DNAH7: variants seen among roughly 807,000 people sequenced by gnomAD.
DNAH7 encodes dynein axonemal heavy chain 7.
Under a neutral mutation model 444.6 loss-of-function variants are expected in DNAH7, and 397 were observed. The ratio of observed to expected loss-of-function variants is 0.89; its 90% CI spans 0.82 to 0.97. DNAH7 has a LOEUF of 0.97. DNAH7 is among the 50% of genes least tolerant of loss of function. The pLI, the probability that DNAH7 is intolerant of heterozygous loss-of-function variation, is 0.00. For missense variants in DNAH7, 4,902 were observed against 4,800.8 expected (o/e 1.02, Z -0.62); for synonymous variants, 1,636 against 1,624.4 (o/e 1.01, Z -0.17).
chr2:195,981,302 GT>G (rs1391671309), intron 15 of DNAH7, among the ~76,000 whole-genome samples: 1 of 151,848 alleles, frequency 6.6e-6, no homozygotes, highest in Non-Finnish European at 1.5e-5. Context: ...GATCTCTATA[GT>G]GAAAATTATA....
chr2:196,057,922 A>G (rs1575119236), intron 2 of DNAH7, 132 bp downstream of exon 2: 3 of 692,752 alleles, frequency 4.3e-6, no homozygotes, highest in Admixed American at 7.1e-5. Flanking sequence ...CTCCATCAGA[A>G]AAGAATCAAA....
chr2:195,910,009 T>C lies in DNAH7; in HGVS notation c.4104+18A>G. ...GATCAGTTATCCTGTTGTAAAGAAA[T>C]GAGGAGTTAATTCAAACCTTAAAGA... On this transcript the variant is annotated intron_variant, in intron 25 of 64. Coordinates refer to ENST00000312428, the MANE Select transcript of DNAH7 (RefSeq NM_018897.3). The C allele has an allele frequency of 6.2e-7, 1 of 1,606,038 alleles. No individual in the cohort carries two copies. The highest frequency in any genetic ancestry group is 8.5e-7 in the Non-Finnish European group (1 of 1,175,142).
chr2:195,767,459 C>T (rs898059650), intron 61 of DNAH7, among the ~76,000 whole-genome samples: 6 of 151,894 alleles, frequency 4.0e-5, no homozygotes, highest in Admixed American at 1.3e-4. Context: ...TGGAGTTGTT[C>T]GACACTTCTA....
chr2:195,737,715 TTCTTTAG>T lies in DNAH7; in HGVS notation c.*199_*205del. 2.2e-6 allele frequency: 1 copy of T among 454,558 alleles called. No individual in the cohort carries two copies. Among genetic ancestry groups the T allele is most frequent in the African/African-American group, 2.2e-5 (1 of 45,266 alleles). The allele number at this position is 454,558 out of a possible 1,614,324, so 28.2% of individuals were successfully genotyped here. ...AAGAGAGCAAATATGCCAGTGTGTT[TTCTTTAG>T]TCTTTATTTCAGAACATTTCCTTAC... is the stretch of plus-strand genomic sequence containing the variant. On this transcript the variant is annotated 3_prime_UTR_variant, in exon 65 of 65. Transcript: ENST00000312428.
chr2:196,003,292 A>G (rs915144952), intron 10 of DNAH7, among the ~76,000 whole-genome samples: 2 of 152,194 alleles, frequency 1.3e-5, no homozygotes, highest in African/African-American at 4.8e-5. Context: ...AAAATAGACA[A>G]CAGAATAGAA....
At chr2:195,913,414 G>A (rs558492) in intron 24 of DNAH7, among the ~76,000 whole-genome samples, 45,476 of 151,884 alleles carry the variant, frequency 0.3, 9,647 homozygotes, top group African/African-American at 0.6. Context: ...CGTTATATCC[G>A]TATCAAATGA....
intron 54 of DNAH7, among the ~76,000 whole-genome samples, chr2:195,804,561 G>A (rs1696620328): frequency 6.6e-6 from 1 of 152,174 alleles, no homozygotes; most frequent in African/African-American, 2.4e-5. Context: ...TCTTGTTCCT[G>A]CAAAGTCATC....
chr2:195,996,746 C>A (rs925678002), intron 12 of DNAH7, among the ~76,000 whole-genome samples: 1 of 152,162 alleles, frequency 6.6e-6, no homozygotes, highest in Non-Finnish European at 1.5e-5. Context: ...CTTAAATATA[C>A]ATATGCTCTA....
chr2:195,936,981 T>G (rs113681608), intron 19 of DNAH7, among the ~76,000 whole-genome samples, 189 bp from the exon 20 acceptor site: 18 of 152,264 alleles, frequency 1.2e-4, no homozygotes, highest in African/African-American at 4.3e-4. Context: ...TCTGTAAAAG[T>G]CACATTGATT....
intron 24 of DNAH7, among the ~76,000 whole-genome samples, chr2:195,916,624 G>A (rs549919150): frequency 1.2e-4 from 18 of 152,284 alleles, no homozygotes; most frequent in South Asian, 2.1e-4. Context: ...TTGGGAGGCC[G>A]AGGTGGGTGG....
intron 5 of DNAH7, among the ~76,000 whole-genome samples, chr2:196,035,089 G>A (rs936768240): frequency 6.6e-6 from 1 of 152,086 alleles, no homozygotes; most frequent in Non-Finnish European, 1.5e-5. Context: ...GGCTGAGGTA[G>A]GAAAATCGCT....
intron 12 of DNAH7, chr2:195,994,285 C>A: frequency 2.4e-6 from 1 of 421,944 alleles, no homozygotes; most frequent in Non-Finnish European, 4.4e-6. Context: ...GGAAGCTTTT[C>A]CAAATCATCA....
chr2:195,858,411 T>C (rs1203618357), intron 43 of DNAH7, 63 bp downstream of exon 43: 10 of 1,338,110 alleles, frequency 7.5e-6, no homozygotes, highest in Non-Finnish European at 1.0e-5. Context: ...TAGAACACAA[T>C]GCTAATTTCT....
chr2:195,995,400 G>A (rs1693633613), intron 12 of DNAH7: 1 of 485,402 alleles, frequency 2.1e-6, no homozygotes, highest in South Asian at 1.6e-5. Context: ...TGTATCATAT[G>A]GCGTTTTTCT....
chr2:196,026,643 A>C, intron 7 of DNAH7, 117 bp downstream of exon 7: 2 of 702,140 alleles, frequency 2.8e-6, no homozygotes, highest in Non-Finnish European at 2.3e-6. Context: ...CAGCAATGTA[A>C]GAAATGGCAT....
rs142644749 is a variant in DNAH7 at position 195,998,695 on chromosome 2, C to T, written c.1353+2009G>A. 1,296 of 156,894 alleles carry T rather than the reference C, an allele frequency of 8.3e-3. 24 individuals are homozygous for T. The highest frequency in any genetic ancestry group is 0.029 in the African/African-American group (1,209 of 41,610). The allele number at this position is 156,894 out of a possible 1,614,324, so 9.7% of individuals were successfully genotyped here. The stretch of plus-strand genomic sequence containing the variant: ...ATTCTTGAAAAAGTCAGGGTACAAA[C>T]AGAATAGAAAAGAATGCAATAGATG... On this transcript the variant is annotated intron_variant, in intron 12 of 64. Transcript: ENST00000312428.
intron 48 of DNAH7, among the ~76,000 whole-genome samples, chr2:195,829,068 T>C (rs983575292): frequency 2.0e-5 from 3 of 152,210 alleles, no homozygotes; most frequent in Admixed American, 6.5e-5. Flanking sequence ...CTGGTTTTTC[T>C]GAAAAGTTTG....
At chr2:195,798,533 T>G (rs2105999250) in intron 55 of DNAH7, among the ~76,000 whole-genome samples, 1 of 145,538 alleles carries the variant, frequency 6.9e-6, no homozygotes. Flanking sequence ...ATGTAAATAG[T>G]AGAATTTTTT....
intron 21 of DNAH7, among the ~76,000 whole-genome samples, chr2:195,927,458 C>T (rs1041510952): frequency 1.3e-5 from 2 of 151,304 alleles, no homozygotes; most frequent in Admixed American, 6.6e-5. Flanking sequence ...GCAGAAGAAG[C>T]CACGGAAAGA....
Sources: gnomAD v4.1 joint callset for allele counts (sites outside exome capture counted in the v4.1 genomes callset) on GRCh38, gnomAD v4.1.1 for gene constraint, MANE v1.5 for transcripts, NCBI Gene and HGNC (gene_info 2026-07-23, HGNC 2026-07-21) for gene names.